Variants in ZSWIM5 observed in about 807,000 individuals in gnomAD.
ZSWIM5 encodes the protein zinc finger SWIM-type containing 5, also known as zinc finger SWIM domain-containing protein 5.
ZSWIM5 carries 55 observed loss-of-function variants against 119.6 expected under a neutral mutation model. That is an observed-to-expected ratio of 0.46 (90% CI 0.37 to 0.58). The LOEUF is 0.58. Among genes scored for constraint, ZSWIM5 ranks in the 20% least tolerant of loss-of-function variants. ZSWIM5 has a pLI of 0.00. For missense variants in ZSWIM5, 1,193 were observed against 1,512.8 expected (o/e 0.79, Z 3.51); for synonymous variants, 537 against 606.9 (o/e 0.88, Z 1.69).
In ZSWIM5 at chr1:45,036,074, T is replaced by G. The variant is rs192153549; in HGVS notation, c.2120A>C (p.Gln707Pro). The G allele has an allele frequency of 2.9e-4, 475 of 1,614,218 alleles. No homozygotes were observed. Among genetic ancestry groups the G allele is most frequent in the Admixed American group, 1.2e-3 (71 of 60,028 alleles). ...QELQLDDELV[Q>P]TLQKQCILLL... ...TAAGATGCATTGTTTTTGCAGTGTT[T>G]GCACTAGCTCATCGTCCAGCTGCAG... is the stretch of plus-strand genomic sequence containing the variant. Residue 707 changes from glutamine (Q) to proline (P), a missense_variant, in exon 9 of 14, where the codon CAA (glutamine) becomes CCA (proline). Gln to Pro is a moderately conservative substitution (Grantham distance 76). Around this residue, in one of 2 missense-constraint regions of ZSWIM5, gnomAD observed 961 missense variants for 1,290.0 expected, o/e 0.74. Transcript: ENST00000359600.
Position 45,044,796 on chromosome 1 carries a change from T to A in ZSWIM5, c.1433-1401A>T, listed in dbSNP as rs1378191105. ...ATATAAATATATATATATAAATATA[T>A]ATATATAAATATATATATATATATA... On this transcript the variant is annotated intron_variant, in intron 5 of 13. Transcript: ENST00000359600. Among the ~76,000 whole-genome samples, 6 of 3,380 alleles carry A rather than the reference T, an allele frequency of 1.8e-3. 1 individual carries two copies. The highest frequency in any genetic ancestry group is 2.9e-3 in the African/African-American group (4 of 1,374). 2.2% of individuals were successfully genotyped at this position (3,380 alleles called of 152,430 possible). A position where few individuals can be genotyped will look rare whatever the true frequency, so the allele number is the denominator to read the frequency against.
intron 11 of ZSWIM5, among the ~76,000 whole-genome samples, chr1:45,029,547 T>C (rs980034004): frequency 1.3e-5 from 2 of 149,222 alleles, no homozygotes; most frequent in Non-Finnish European, 2.9e-5. Context: ...ACATTTTTCC[T>C]TTATGATTGG....
chr1:45,068,107 C>CTTTT (rs71040545), intron 2 of ZSWIM5, among the ~76,000 whole-genome samples: 5 of 113,284 alleles, frequency 4.4e-5, no homozygotes, highest in Non-Finnish European at 8.5e-5. Flanking sequence ...TTTTTTTTTT[C>CTTTT]TTTTTTTTTT....
intron 1 of ZSWIM5, among the ~76,000 whole-genome samples, chr1:45,182,207 G>T (rs1646024268): frequency 6.6e-6 from 1 of 152,040 alleles, no homozygotes; most frequent in East Asian, 1.9e-4. Flanking sequence ...ACGAGGTCAG[G>T]AGATCGAGAC....
chr1:45,044,842 TATATATAGATTAG>T, intron 5 of ZSWIM5, among the ~76,000 whole-genome samples: 2 of 55,804 alleles, frequency 3.6e-5, no homozygotes, highest in Non-Finnish European at 3.1e-5. Context: ...TATAAATATA[TATATATAGATTAG>T]CCGGGCATGG....
At chr1:45,040,571 T>C (rs770019573) in intron 6 of ZSWIM5, 33 bp from the exon 7 acceptor site, 17 of 1,550,882 alleles carry the variant, frequency 1.1e-5, no homozygotes, top group Non-Finnish European at 1.5e-5. Flanking sequence ...TTTGGTCTAG[T>C]TAAAATTTCA....
rs186379624 is a variant in ZSWIM5 at position 45,164,203 on chromosome 1, T to C, written c.595+41553A>G. Among the ~76,000 whole-genome samples, 9 of 152,266 alleles carry C rather than the reference T, an allele frequency of 5.9e-5. No individual in the cohort carries two copies. The East Asian group carries it at 1.7e-3, about 29-fold the overall frequency. On this transcript the variant is annotated intron_variant, in intron 1 of 13. Coordinates refer to ENST00000359600, the MANE Select transcript of ZSWIM5 (RefSeq NM_020883.2). Reference sequence around the variant, plus strand: ...AGAAAAGAATTTTCAACCCAGAATTTCATAACCAGCCAAACTAAGCTTCAC... The same window carrying C: ...AGAAAAGAATTTTCAACCCAGAATTCCATAACCAGCCAAACTAAGCTTCAC...
intron 11 of ZSWIM5, among the ~76,000 whole-genome samples, chr1:45,024,902 G>A (rs549578939): frequency 3.3e-5 from 5 of 152,080 alleles, no homozygotes; most frequent in South Asian, 4.2e-4. Context: ...TGATCTGCCC[G>A]CCTCAGCCTC....
chr1:45,180,951 G>C (rs924596338), intron 1 of ZSWIM5, among the ~76,000 whole-genome samples: 94 of 152,108 alleles, frequency 6.2e-4, no homozygotes, highest in African/African-American at 2.2e-3. Context: ...CATCATCAAA[G>C]ACCAAAAGTA....
At chr1:45,026,644 C>T (rs1644922579) in intron 11 of ZSWIM5, among the ~76,000 whole-genome samples, 1 of 152,064 alleles carries the variant, frequency 6.6e-6, no homozygotes, top group Non-Finnish European at 1.5e-5. Context: ...AAGATTTTTG[C>T]ATTTATGCTC....
At chr1:45,121,592 T>C (rs1304294094) in intron 1 of ZSWIM5, among the ~76,000 whole-genome samples, 4 of 150,604 alleles carry the variant, frequency 2.7e-5, no homozygotes, top group South Asian at 2.1e-4. Context: ...GAATCTTTTT[T>C]TTTCTTCTTC....
intron 1 of ZSWIM5, among the ~76,000 whole-genome samples, chr1:45,153,999 T>C (rs1645812802): frequency 6.6e-6 from 1 of 152,094 alleles, no homozygotes; most frequent in Non-Finnish European, 1.5e-5. Context: ...GCTTTTACAA[T>C]AGCTGGGAAA....
chr1:45,039,056 T>C lies in ZSWIM5; in HGVS notation c.1774A>G (p.Thr592Ala). ...CCCTCCAGGTTTGTGATGGTTGTGGTTCCTCTCTGCAACAGTTCTGGAAAC... is the reference window on the plus strand; with the variant it reads ...CCCTCCAGGTTTGTGATGGTTGTGGCTCCTCTCTGCAACAGTTCTGGAAAC... ...HQKKELLQRG[T>A]TTITNLEGWV... The change falls in exon 8 of 14, where the codon ACC becomes GCC. Residue 592 changes from threonine (T) to alanine (A), a missense_variant. Physicochemically the swap from Thr to Ala is moderately conservative, Grantham distance 58 (BLOSUM62 0). Transcript: ENST00000359600. The C allele has an allele frequency of 1.9e-6, 3 of 1,614,104 alleles. No individual in the cohort carries two copies. Among genetic ancestry groups the C allele is most frequent in the Non-Finnish European group, 1.7e-6 (2 of 1,179,994 alleles).
Position 45,018,192 on chromosome 1 carries a change from G to T in ZSWIM5, c.*262C>A. ...ATGCTCAGGACACGCAGGATATAGG[G>T]GCATGAGGTGGCATGTTGTGGGGTT... On this transcript the variant is annotated 3_prime_UTR_variant, in exon 14 of 14. Coordinates refer to ENST00000359600, the MANE Select transcript of ZSWIM5 (RefSeq NM_020883.2). The surrounding 1 kb of genome is among the most constrained non-coding windows in gnomAD (Gnocchi z 6.7). 1 of 539,300 alleles carries T rather than the reference G, an allele frequency of 1.9e-6. No individual in the cohort carries two copies. The highest frequency in any genetic ancestry group is 3.3e-6 in the Non-Finnish European group (1 of 300,574). 33.4% of individuals were successfully genotyped at this position (539,300 alleles called of 1,614,324 possible).
At chr1:45,069,380 C>G (rs1046462756) in intron 2 of ZSWIM5, among the ~76,000 whole-genome samples, 2 of 151,038 alleles carry the variant, frequency 1.3e-5, no homozygotes, top group African/African-American at 4.9e-5. Context: ...GAGCCAAGAT[C>G]GTGCCACTGC....
rs1645346763 is a variant in ZSWIM5, at chr1:45,088,815, A to C, written c.596-578T>G. The stretch of plus-strand genomic sequence containing the variant: ...AATTTAAGACATGAAAGGCACAGCT[A>C]GGTGCAATGAAACTATGTAGTGTTA... On this transcript the variant is annotated intron_variant, in intron 1 of 13. Coordinates refer to ENST00000359600, the MANE Select transcript of ZSWIM5 (RefSeq NM_020883.2). This position sits in a 1 kb window ranked among gnomAD's most constrained non-coding sequence, Gnocchi z 4.2. Among the ~76,000 whole-genome samples, 1 of 152,244 alleles carries C rather than the reference A, an allele frequency of 6.6e-6. No homozygotes were observed. Among genetic ancestry groups the C allele is most frequent in the African/African-American group, 2.4e-5 (1 of 41,462 alleles).
chr1:45,105,596 G>A (rs1202546061), intron 1 of ZSWIM5, among the ~76,000 whole-genome samples: 30 of 146,762 alleles, frequency 2.0e-4, no homozygotes, highest in African/African-American at 5.9e-4. Context: ...CTGCCTGGCC[G>A]CCCCCTCTGG....
chr1:45,023,541 T>C (rs572992887), intron 11 of ZSWIM5, among the ~76,000 whole-genome samples: 3 of 147,492 alleles, frequency 2.0e-5, no homozygotes, highest in South Asian at 4.2e-4. Flanking sequence ...TGAGAAACCA[T>C]GTCTTTTTAT....
intron 1 of ZSWIM5, among the ~76,000 whole-genome samples, chr1:45,173,679 T>C (rs1645959429): frequency 6.6e-6 from 1 of 152,144 alleles, no homozygotes; most frequent in Non-Finnish European, 1.5e-5. Flanking sequence ...GGGATAATAA[T>C]AGTACATACC....
Sources: gnomAD v4.1 joint callset for allele counts (sites outside exome capture counted in the v4.1 genomes callset) on GRCh38, gnomAD v4.1.1 for gene constraint, gnomAD v4.1.1 regional missense constraint, Gnocchi (gnomAD v3.1) non-coding constraint, MANE v1.5 for transcripts, NCBI Gene and HGNC (gene_info 2026-07-23, HGNC 2026-07-21) for gene names.